Variants in ERC2 observed in about 807,000 individuals in gnomAD.
The protein encoded by ERC2 is ERC protein 2.
Under a neutral mutation model 114.8 loss-of-function variants are expected in ERC2, and 42 were observed. The observed-to-expected ratio is 0.37, with a 90% CI of 0.29 to 0.47. The LOEUF (loss-of-function observed/expected upper bound fraction) is 0.47, where lower values mean the gene tolerates loss of function less well. Ranked by LOEUF, ERC2 falls within the 20% of genes least tolerant of loss-of-function variation. The pLI is 0.99. For synonymous variants in ERC2, 454 were observed against 425.5 expected, an observed-to-expected ratio of 1.07 and a Z score of -0.82; for missense variants, 939 against 1,150.7, an observed-to-expected ratio of 0.82 and a Z score of 2.66.
At chr3:56,214,298 A>C (rs1029208415) in intron 3 of ERC2, among the ~76,000 whole-genome samples, 1 of 151,922 alleles carries the variant, frequency 6.6e-6, no homozygotes, top group Non-Finnish European at 1.5e-5. Context: ...AAGCCCTTAA[A>C]GGACCTGATG....
At chr3:55,559,852 C>T (rs1275468474) in intron 17 of ERC2, among the ~76,000 whole-genome samples, 1 of 152,246 alleles carries the variant, frequency 6.6e-6, no homozygotes, top group Non-Finnish European at 1.5e-5. Flanking sequence ...CCATATTTCA[C>T]GCTGAATCAT....
At chr3:55,989,966 T>C (rs2070927818) in intron 11 of ERC2, among the ~76,000 whole-genome samples, 1 of 152,220 alleles carries the variant, frequency 6.6e-6, no homozygotes, top group Non-Finnish European at 1.5e-5. Flanking sequence ...CAGTTTCACA[T>C]CTTTCTGACT....
At chr3:56,155,924 T>A (rs546733384) in intron 4 of ERC2, among the ~76,000 whole-genome samples, 3 of 151,434 alleles carry the variant, frequency 2.0e-5, no homozygotes, top group African/African-American at 7.3e-5. Flanking sequence ...TGCTGAGGAG[T>A]TGGAAATGAA....
At chr3:55,997,979 G>A (rs1344687689) in intron 10 of ERC2, among the ~76,000 whole-genome samples, 3 of 122,314 alleles carry the variant, frequency 2.5e-5, no homozygotes, top group Non-Finnish European at 1.6e-5. Flanking sequence ...TGCCCAGCCT[G>A]GTCTCCAACT....
chr3:55,792,959 G>C (rs1350011365), intron 14 of ERC2, among the ~76,000 whole-genome samples: 1 of 152,218 alleles, frequency 6.6e-6, no homozygotes, highest in Non-Finnish European at 1.5e-5. Context: ...CTGACAACGG[G>C]TGAACCATGC....
intron 12 of ERC2, among the ~76,000 whole-genome samples, chr3:55,976,092 G>A (rs1012841316): frequency 6.6e-6 from 1 of 152,118 alleles, no homozygotes; most frequent in African/African-American, 2.4e-5. Context: ...AACACAGCCT[G>A]GCCAAGATCT....
At chr3:55,790,147 T>C (rs1001202863) in intron 14 of ERC2, among the ~76,000 whole-genome samples, 1 of 152,208 alleles carries the variant, frequency 6.6e-6, no homozygotes, top group Non-Finnish European at 1.5e-5. Flanking sequence ...AACTTCTTTG[T>C]AGCTTTTGGG....
intron 3 of ERC2, among the ~76,000 whole-genome samples, chr3:56,238,750 T>C (rs1340553288): frequency 6.6e-6 from 1 of 152,196 alleles, no homozygotes; most frequent in Non-Finnish European, 1.5e-5. Flanking sequence ...TCTCTAAAAA[T>C]AACAGGACTC....
intron 14 of ERC2, among the ~76,000 whole-genome samples, chr3:55,829,950 A>G (rs1195831971): frequency 6.6e-6 from 1 of 152,244 alleles, no homozygotes; most frequent in Non-Finnish European, 1.5e-5. Context: ...TAAATATACA[A>G]CTCAAAAAGT....
At chr3:56,027,106 T>C (rs938437699) in intron 7 of ERC2, among the ~76,000 whole-genome samples, 2 of 152,238 alleles carry the variant, frequency 1.3e-5, no homozygotes, top group African/African-American at 4.8e-5. Context: ...CTCTGCATAA[T>C]TCTCTGAAGA....
intron 6 of ERC2, among the ~76,000 whole-genome samples, chr3:56,120,763 C>T (rs2079529783): frequency 6.6e-6 from 1 of 152,178 alleles, no homozygotes; most frequent in Non-Finnish European, 1.5e-5. Flanking sequence ...TTCATTCAGA[C>T]CTTCCACACC....
At chr3:56,457,299 C>T (rs2063108454) in intron 1 of ERC2, among the ~76,000 whole-genome samples, 1 of 152,136 alleles carries the variant, frequency 6.6e-6, no homozygotes, top group South Asian at 2.1e-4. Flanking sequence ...GATCTTTCAC[C>T]AGCAGATATT....
rs1202166287 is a variant in ERC2 at position 55,820,932 on chromosome 3, A to G, written c.2564+67457T>C. Among the ~76,000 whole-genome samples the G allele has an allele frequency of 3.3e-5, 5 of 152,286 alleles. No homozygotes were observed. The East Asian group carries it at 9.7e-4, about 29-fold the overall frequency. Reference sequence around the variant, plus strand: ...GCCTTCTTAGCCCCAGTGTCAGGCTAATGTTTTATAACTTGAAGGTTTCCT... The same window carrying G: ...GCCTTCTTAGCCCCAGTGTCAGGCTGATGTTTTATAACTTGAAGGTTTCCT... On this transcript the variant is annotated intron_variant, in intron 14 of 17. Transcript: ENST00000288221.
intron 10 of ERC2, among the ~76,000 whole-genome samples, chr3:56,000,634 A>G (rs573099389): frequency 1.3e-5 from 2 of 152,280 alleles, no homozygotes; most frequent in East Asian, 3.9e-4. Flanking sequence ...TAAAATGACA[A>G]TTCTCAATGT....
rs189222792 is a variant in ERC2, at chr3:55,814,918, T to C, written c.2564+73471A>G. ...TGTCTGGTTAAATCTTTCTCATCCT[T>C]TAAGTCTATGGTCTAGACAAGATAC... is the stretch of plus-strand genomic sequence containing the variant. On this transcript the variant is annotated intron_variant, in intron 14 of 17. Transcript: ENST00000288221. 3.6e-3 allele frequency among the ~76,000 whole-genome samples: 547 copies of C among 152,288 alleles called. 3 individuals are homozygous for C. Among genetic ancestry groups the C allele is most frequent in the African/African-American group, 0.012 (511 of 41,564 alleles).
chr3:56,446,625 C>T (rs200216531), intron 1 of ERC2, among the ~76,000 whole-genome samples: 1,320 of 112,128 alleles, frequency 0.012, 42 homozygotes, highest in African/African-American at 0.031. Context: ...TTTTTTTTTT[C>T]TTTCTTTTTT....
intron 2 of ERC2, among the ~76,000 whole-genome samples, chr3:56,383,990 A>G (rs2059846690): frequency 6.6e-6 from 1 of 152,172 alleles, no homozygotes; most frequent in African/African-American, 2.4e-5. Context: ...ATTTAGCATA[A>G]TGTCCTCAAG....
intron 1 of ERC2, among the ~76,000 whole-genome samples, chr3:56,462,287 T>C (rs1326657538): frequency 6.6e-6 from 1 of 152,194 alleles, no homozygotes; most frequent in Non-Finnish European, 1.5e-5. Context: ...GAGACTTTCA[T>C]TTTGCTCTCA....
chr3:55,630,709 G>T (rs1484639700), intron 17 of ERC2, among the ~76,000 whole-genome samples: 4 of 152,198 alleles, frequency 2.6e-5, no homozygotes, highest in Non-Finnish European at 5.9e-5. Flanking sequence ...CGTCAACTTG[G>T]ATAGGCCCAA....
Sources: gnomAD v4.1 joint callset for allele counts (sites outside exome capture counted in the v4.1 genomes callset) on GRCh38, gnomAD v4.1.1 for gene constraint, MANE v1.5 for transcripts, NCBI Gene and HGNC (gene_info 2026-07-23, HGNC 2026-07-21) for gene names.